ARHGAP44: variants seen among roughly 807,000 people sequenced by gnomAD.
ARHGAP44 encodes the protein rho GTPase-activating protein 44.
ARHGAP44 carries 43 observed loss-of-function variants against 106.8 expected under a neutral mutation model. The observed-to-expected ratio is 0.40, with a 90% CI of 0.32 to 0.52. ARHGAP44 has a LOEUF of 0.52. ARHGAP44 is among the 20% of genes least tolerant of loss of function. The pLI is 0.48. For missense variants in ARHGAP44, 866 were observed against 1,050.5 expected, an observed-to-expected ratio of 0.82 and a Z score of 2.43; for synonymous variants, 439 against 410.3, an observed-to-expected ratio of 1.07 and a Z score of -0.85.
At chr17:12,983,636 G>A (rs986712926) in intron 19 of ARHGAP44, among the ~76,000 whole-genome samples, 3 of 152,020 alleles carry the variant, frequency 2.0e-5, no homozygotes, top group African/African-American at 7.2e-5. Flanking sequence ...GAAACCCTGT[G>A]TCTACTAAAA....
chr17:12,936,785 A>T (rs983733291), intron 7 of ARHGAP44, among the ~76,000 whole-genome samples: 3 of 152,180 alleles, frequency 2.0e-5, no homozygotes, highest in African/African-American at 7.2e-5. Flanking sequence ...TTCCAAAGTG[A>T]CTATACTCTG....
At chr17:12,923,509 G>A (rs937269561) in intron 6 of ARHGAP44, among the ~76,000 whole-genome samples, 7 of 151,858 alleles carry the variant, frequency 4.6e-5, no homozygotes, top group African/African-American at 1.2e-4. Flanking sequence ...GAGCCACTGT[G>A]CCCGGCCGCT....
At chr17:12,921,226 T>G (rs1307710393) in intron 6 of ARHGAP44, among the ~76,000 whole-genome samples, 1 of 151,944 alleles carries the variant, frequency 6.6e-6, no homozygotes, top group African/African-American at 2.4e-5. Flanking sequence ...GCCACCACGC[T>G]CAGCTAATTT....
At chr17:12,970,923 G>A (rs1300225785) in intron 16 of ARHGAP44, among the ~76,000 whole-genome samples, 1 of 152,142 alleles carries the variant, frequency 6.6e-6, no homozygotes, top group Non-Finnish European at 1.5e-5. Context: ...ATCTTGCTTT[G>A]GAAGGTAAAT....
chr17:12,868,939 G>A (rs2036323066), intron 1 of ARHGAP44, among the ~76,000 whole-genome samples: 1 of 151,650 alleles, frequency 6.6e-6, no homozygotes, highest in Admixed American at 6.6e-5. Flanking sequence ...ACAGGTGTGA[G>A]CCACCGCGCC....
chr17:12,988,694 A>T (rs1380395960), intron 20 of ARHGAP44: 1 of 152,202 alleles, frequency 6.6e-6, no homozygotes, highest in Non-Finnish European at 1.5e-5. Context: ...CTGTACACTT[A>T]GTATGGTATT....
intron 16 of ARHGAP44, among the ~76,000 whole-genome samples, chr17:12,959,521 A>G (rs936639625): frequency 2.0e-5 from 3 of 152,224 alleles, no homozygotes; most frequent in East Asian, 3.8e-4. Context: ...ATTAGTTTAT[A>G]TAATATTGAA....
chr17:12,952,727 T>A, intron 13 of ARHGAP44, 146 bp downstream of exon 13: 1 of 116,456 alleles, frequency 8.6e-6, no homozygotes, highest in Non-Finnish European at 1.3e-5. Flanking sequence ...GGTCTCTTTT[T>A]TTTTTTTTTT....
intron 1 of ARHGAP44, among the ~76,000 whole-genome samples, chr17:12,801,660 C>T (rs1312706655): frequency 6.6e-6 from 1 of 151,906 alleles, no homozygotes; most frequent in Non-Finnish European, 1.5e-5. Flanking sequence ...TGTCTAAGGG[C>T]CGAGAGACAT....
rs959350605 is a variant in ARHGAP44 at position 12,922,844 on chromosome 17, C to A, written c.464+3013C>A. Among the ~76,000 whole-genome samples, 4 of 152,016 alleles carry A rather than the reference C, an allele frequency of 2.6e-5. No homozygotes were observed. In the South Asian group the frequency reaches 8.3e-4, roughly 32 times the overall value. On this transcript the variant is annotated intron_variant, in intron 6 of 20. Coordinates refer to ENST00000379672, the MANE Select transcript of ARHGAP44 (RefSeq NM_014859.6). Reference sequence around the variant, plus strand: ...GAACTCCTCTAGCAGGAACACTAGACAAAGTCTAGAGTTATGTTTTCAGTG... The same window carrying A: ...GAACTCCTCTAGCAGGAACACTAGAAAAAGTCTAGAGTTATGTTTTCAGTG...
intron 18 of ARHGAP44, among the ~76,000 whole-genome samples, chr17:12,978,085 A>G (rs1462973824): frequency 6.8e-6 from 1 of 148,144 alleles, no homozygotes; most frequent in Non-Finnish European, 1.5e-5. Context: ...AACAGAAGGA[A>G]GAGCTCATTC....
intron 1 of ARHGAP44, among the ~76,000 whole-genome samples, chr17:12,886,292 A>T (rs1482087736): frequency 1.3e-5 from 2 of 152,126 alleles, no homozygotes; most frequent in African/African-American, 4.8e-5. Context: ...TTTTCTTTCT[A>T]GAAAATTTTA....
At chr17:12,849,597 T>A (rs1169986517) in intron 1 of ARHGAP44, among the ~76,000 whole-genome samples, 2 of 133,634 alleles carry the variant, frequency 1.5e-5, no homozygotes, top group African/African-American at 3.0e-5. Flanking sequence ...TTTTTTTTGC[T>A]TGGCTTCAGC....
chr17:12,808,560 C>G (rs1254131965), intron 1 of ARHGAP44, among the ~76,000 whole-genome samples: 1 of 152,250 alleles, frequency 6.6e-6, no homozygotes, highest in South Asian at 2.1e-4. Flanking sequence ...ACAGCCCAAG[C>G]TGTACATTGG....
chr17:12,789,602 G>A lies in ARHGAP44; in HGVS notation c.-237G>A, dbSNP rs953516110. 4 of 301,138 alleles carry A rather than the reference G, an allele frequency of 1.3e-5. No homozygotes were observed. The highest frequency in any genetic ancestry group is 5.6e-5 in the East Asian group (1 of 18,014). 18.7% of individuals were successfully genotyped at this position (301,138 alleles called of 1,614,324 possible). ...CGAGGACGGCCCCAGGCATTGCTCT[G>A]CCCCGGGCATTGCGCGGCGCGCGTG... On this transcript the variant is annotated 5_prime_UTR_variant, in exon 1 of 21. Coordinates refer to ENST00000379672, the MANE Select transcript of ARHGAP44 (RefSeq NM_014859.6).
intron 1 of ARHGAP44, among the ~76,000 whole-genome samples, chr17:12,847,733 C>T (rs1405801498): frequency 1.3e-5 from 2 of 151,568 alleles, no homozygotes; most frequent in African/African-American, 4.8e-5. Context: ...TCTCGATCTT[C>T]TGACCTCGTG....
At chr17:12,849,568 C>CTTTTT (rs776346185) in intron 1 of ARHGAP44, among the ~76,000 whole-genome samples, 13 of 69,958 alleles carry the variant, frequency 1.9e-4, no homozygotes, top group Non-Finnish European at 2.8e-4. Context: ...TACTTTTGTC[C>CTTTTT]TTTTTTTTTT....
rs368687994 is a variant in ARHGAP44, at chr17:12,955,106, A to G, written c.1137-761A>G. On this transcript the variant is annotated intron_variant, in intron 13 of 20. Transcript: ENST00000379672. ...AGGCATTTCATATAAGTGGAATACT[A>G]TAATATGTGGCCTGTTGTGTCTGGC... Among the ~76,000 whole-genome samples the G allele has an allele frequency of 9.6e-4, 147 of 152,346 alleles. 6 individuals carry two copies. The South Asian group carries it at 0.023, about 24-fold the overall frequency.
In ARHGAP44 at chr17:12,975,333, G is replaced by A. The variant is rs568264809; in HGVS notation, c.1763+1023G>A. ...CCACTTTTTTTTTTCTTTTGATGCC[G>A]CTAAAATGGGTGCAAGTCAGGGAAT... On this transcript the variant is annotated intron_variant, in intron 18 of 20. Coordinates refer to ENST00000379672, the MANE Select transcript of ARHGAP44 (RefSeq NM_014859.6). 2.8e-4 allele frequency among the ~76,000 whole-genome samples: 42 copies of A among 151,312 alleles called. 1 individual carries two copies. Among genetic ancestry groups the A allele is most frequent in the Middle Eastern group, 3.4e-3 (1 of 294 alleles).
Sources: allele counts gnomAD v4.1 joint callset (sites outside exome capture counted in the v4.1 genomes callset), GRCh38; gene constraint gnomAD v4.1.1; transcripts MANE v1.5; gene names NCBI Gene and HGNC (gene_info 2026-07-23, HGNC 2026-07-21).